The following ASAH1 variants were observed in gnomAD, a reference collection of about 807,000 sequenced individuals.
The protein encoded by ASAH1 is N-acylsphingosine amidohydrolase 1, also known as acid ceramidase.
ASAH1 carries 70 observed loss-of-function variants against 59.5 expected under a neutral mutation model. The observed-to-expected ratio is 1.18, with a 90% CI of 0.97 to 1.43. The LOEUF (loss-of-function observed/expected upper bound fraction) is 1.43, where lower values mean the gene tolerates loss of function less well. Among genes scored for constraint, ASAH1 ranks in the 40% most tolerant of loss-of-function variants. ASAH1 has a pLI of 0.00. For synonymous variants in ASAH1, 213 were observed against 166.5 expected (o/e 1.28, Z -2.15); for missense variants, 660 against 482.5 (o/e 1.37, Z -3.45).
Position 18,071,368 on chromosome 8 carries a change from A to G in ASAH1, c.148T>C (p.Tyr50His). 1 of 1,599,552 alleles carries G rather than the reference A, an allele frequency of 6.3e-7. No individual in the cohort carries two copies. Among genetic ancestry groups the G allele is most frequent in the Non-Finnish European group, 8.5e-7 (1 of 1,169,960 alleles). ...GGTGGTAAGTCAAGATTTATGGTGT[A>G]CCATGGAACTGCACCTCTGTACCTG... ...GPTYRGAVPW[Y>H]TINLDLPPYK... is the part of the protein sequence containing the mutation. The change falls in exon 3 of 14, where the codon TAC (tyrosine) becomes CAC (histidine). Residue 50 changes from tyrosine (Y) to histidine (H), a missense_variant. Physicochemically the swap from Tyr to His is moderately conservative, Grantham distance 83. Transcript: ENST00000637790.
At chr8:18,076,760 T>G (rs7002290) in intron 1 of ASAH1, 80 of 152,322 alleles carry the variant, frequency 5.3e-4, no homozygotes, top group African/African-American at 1.9e-3. Context: ...AACTGTAGCT[T>G]GAGCACAGAA....
intron 5 of ASAH1, chr8:18,065,576 GA>G (rs1799896946): frequency 6.6e-6 from 1 of 152,028 alleles, no homozygotes; most frequent in Admixed American, 6.6e-5. Flanking sequence ...AGCTTAAATT[GA>G]AATTTTAAAA....
chr8:18,081,888 C>G (rs1477162119), intron 1 of ASAH1, among the ~76,000 whole-genome samples: 2 of 152,072 alleles, frequency 1.3e-5, no homozygotes, highest in Non-Finnish European at 2.9e-5. Context: ...GCATGGATCC[C>G]AGGATTTTCC....
intron 4 of ASAH1, chr8:18,067,526 A>T (rs902354421): frequency 5.1e-6 from 1 of 197,980 alleles, no homozygotes. Context: ...GGGCCCCTAT[A>T]CAGAGACCAG....
At chr8:18,069,686 G>C in intron 4 of ASAH1, 106 bp downstream of exon 4, 1 of 784,286 alleles carries the variant, frequency 1.3e-6, no homozygotes, top group Non-Finnish European at 2.1e-6. Flanking sequence ...GATTCATGCA[G>C]ATTTGCCCAA....
intron 4 of ASAH1, chr8:18,067,979 C>A (rs886721306): frequency 1.3e-5 from 2 of 152,132 alleles, no homozygotes; most frequent in African/African-American, 4.8e-5. Flanking sequence ...TTGGTAATTA[C>A]ATGTAATGTC....
chr8:18,080,592 T>C (rs1800611435), intron 1 of ASAH1, among the ~76,000 whole-genome samples: 1 of 152,200 alleles, frequency 6.6e-6, no homozygotes, highest in Non-Finnish European at 1.5e-5. Flanking sequence ...GAAGTTTCGC[T>C]CATTGTCCAG....
Position 18,059,480 on chromosome 8 carries a change from G to A in ASAH1, c.918-16C>T, listed in dbSNP as rs1281230398. The A allele has an allele frequency of 6.2e-7, 1 of 1,614,158 alleles. No homozygotes were observed. The highest frequency in any genetic ancestry group is 1.3e-5 in the African/African-American group (1 of 75,060). ...AGCATCGAGTCTAGATACAAAAGGA[G>A]AGATTCCCTCTTAGGCTACATGCCT... On this transcript the variant is annotated splice_polypyrimidine_tract_variant and intron_variant, in intron 11 of 13. Coordinates refer to ENST00000637790, the MANE Select transcript of ASAH1 (RefSeq NM_177924.5).
intron 5 of ASAH1, chr8:18,065,090 A>C (rs1377714378): frequency 6.6e-6 from 1 of 152,174 alleles, no homozygotes; most frequent in Non-Finnish European, 1.5e-5. Context: ...CCCATTTAAC[A>C]TTAACATGTT....
chr8:18,067,051 T>C, intron 5 of ASAH1, 169 bp downstream of exon 5: 3 of 285,692 alleles, frequency 1.1e-5, no homozygotes, highest in Non-Finnish European at 1.5e-5. Flanking sequence ...CATGGCTACA[T>C]GCATGCATGC....
At chr8:18,076,630 ATAAAG>A (rs1238144675) in intron 1 of ASAH1, 1 of 152,246 alleles carries the variant, frequency 6.6e-6, no homozygotes, top group Non-Finnish European at 1.5e-5. Flanking sequence ...CCAAAATAAG[ATAAAG>A]TAGAGTAGGT....
chr8:18,067,011 T>G (rs768112281), intron 5 of ASAH1: 9 of 455,778 alleles, frequency 2.0e-5, no homozygotes, highest in Non-Finnish European at 3.6e-5. Flanking sequence ...CATCGTGGAG[T>G]GCTGGGCTCT....
rs754140197 is a variant in ASAH1 at position 18,057,603 on chromosome 8, C to T, written c.1119G>A (p.Leu373=). The T allele has an allele frequency of 1.2e-6, 2 of 1,603,500 alleles. No homozygotes were observed. Among genetic ancestry groups the T allele is most frequent in the Non-Finnish European group, 1.7e-6 (2 of 1,173,156 alleles). ...VLNKLTVYTT[L]IDVTKGQFET... ...CGAATTGACCTTTGGTAACATCTATCAAGGTTGTGTATACGGTCAGCTGAA... is the reference window on the plus strand; with the variant it reads ...CGAATTGACCTTTGGTAACATCTATTAAGGTTGTGTATACGGTCAGCTGAA... The change falls in exon 14 of 14, where the codon TTG becomes TTA. Residue 373 remains leucine, a synonymous_variant. Coordinates refer to ENST00000637790, the MANE Select transcript of ASAH1 (RefSeq NM_177924.5).
rs574443889 is a variant in ASAH1 at position 18,056,624 on chromosome 8, C to T, written c.*910G>A. 1.2e-4 allele frequency: 19 copies of T among 152,314 alleles called. No homozygotes were observed. The highest frequency in any genetic ancestry group is 4.6e-4 in the African/African-American group (19 of 41,568). 9.4% of individuals were successfully genotyped at this position (152,314 alleles called of 1,614,324 possible). The stretch of plus-strand genomic sequence containing the variant: ...TAAGCAGTTTGATTTCTGAAAAATA[C>T]AGTAACATAATTTTAGTAACTACTA... On this transcript the variant is annotated 3_prime_UTR_variant, in exon 14 of 14. Transcript: ENST00000637790.
At chr8:18,084,147 C>G, upstream of ASAH1, 1 of 1,567,280 alleles carries the variant, frequency 6.4e-7, no homozygotes, top group Non-Finnish European at 8.6e-7. Flanking sequence ...CCCTCCGCCG[C>G]GTGACCCGCG....
Position 18,057,166 on chromosome 8 carries a change from G to A in ASAH1, c.*368C>T, listed in dbSNP as rs17126181. On this transcript the variant is annotated 3_prime_UTR_variant, in exon 14 of 14. Coordinates refer to ENST00000637790, the MANE Select transcript of ASAH1 (RefSeq NM_177924.5). ...AAGAATGTGGAGTGTTTACTGTCCC[G>A]TTACTCACACAGACGTGCTGGATTC... The A allele has an allele frequency of 2.9e-3, 689 of 237,490 alleles. 7 individuals are homozygous for A. Among genetic ancestry groups the A allele is most frequent in the African/African-American group, 0.014 (639 of 44,602 alleles). The allele number at this position is 237,490 out of a possible 1,614,324, so 14.7% of individuals were successfully genotyped here. A position where few individuals can be genotyped will look rare whatever the true frequency, so the allele number is the denominator to read the frequency against.
intron 10 of ASAH1, 194 bp from the exon 11 acceptor site, chr8:18,059,897 A>G (rs1799621926): frequency 1.8e-6 from 1 of 544,736 alleles, no homozygotes; most frequent in African/African-American, 1.9e-5. Flanking sequence ...CCCTACATGC[A>G]TTAGGTATTT....
chr8:18,081,464 A>AT (rs1024913000), intron 1 of ASAH1, among the ~76,000 whole-genome samples: 1 of 152,136 alleles, frequency 6.6e-6, no homozygotes, highest in Non-Finnish European at 1.5e-5. Context: ...AGATCCTCCC[A>AT]TTTTTTAGGA....
At chr8:18,080,954 T>A (rs1417573568) in intron 1 of ASAH1, among the ~76,000 whole-genome samples, 1 of 152,188 alleles carries the variant, frequency 6.6e-6, no homozygotes, top group South Asian at 2.1e-4. Flanking sequence ...TCTTTCTCTA[T>A]CCTATTTCTA....
Sources: allele counts gnomAD v4.1 joint callset (sites outside exome capture counted in the v4.1 genomes callset), GRCh38; gene constraint gnomAD v4.1.1; transcripts MANE v1.5; gene names NCBI Gene and HGNC (gene_info 2026-07-23, HGNC 2026-07-21).